RP9: variants seen among roughly 807,000 people sequenced by gnomAD.
RP9 encodes the protein retinitis pigmentosa 9 protein.
RP9 carries 23 observed loss-of-function variants against 32.6 expected under a neutral mutation model. The observed-to-expected ratio is 0.71, with a 90% CI of 0.51 to 1.00. The LOEUF is 1.00. Among genes scored for constraint, RP9 ranks in the 50% least tolerant of loss-of-function variants. RP9 has a pLI of 0.00. For missense variants in RP9, 245 were observed against 285.3 expected (o/e 0.86, Z 1.02); for synonymous variants, 94 against 103.6 (o/e 0.91, Z 0.56).
chr7:33,096,385 G>A (rs1788334722), intron 5 of RP9, 108 bp downstream of exon 5: 1 of 808,812 alleles, frequency 1.2e-6, no homozygotes, highest in African/African-American at 1.7e-5. Context: ...TTTCACAATT[G>A]AAGTACCATG....
Position 33,094,895 on chromosome 7 carries a change from C to T in RP9, c.*339G>A, listed in dbSNP as rs1203455144. On this transcript the variant is annotated 3_prime_UTR_variant, in exon 6 of 6. Transcript: ENST00000297157. ...GAGTCCACACTGTGGAGGGCACAAGCTGTGGGAGGGCCTGGAAGACACGCC... is the reference window on the plus strand; with the variant it reads ...GAGTCCACACTGTGGAGGGCACAAGTTGTGGGAGGGCCTGGAAGACACGCC... 6 of 381,712 alleles carry T rather than the reference C, an allele frequency of 1.6e-5. No homozygotes were observed. The highest frequency in any genetic ancestry group is 3.1e-5 in the South Asian group (1 of 31,950). The allele number at this position is 381,712 out of a possible 1,614,324, so 23.6% of individuals were successfully genotyped here.
At chr7:33,102,920 G>C (rs1788449140) in intron 1 of RP9, among the ~76,000 whole-genome samples, 1 of 152,234 alleles carries the variant, frequency 6.6e-6, no homozygotes, top group Admixed American at 6.5e-5. Flanking sequence ...AGGGAAAACT[G>C]TGGTGGAGAC....
At position 33,095,008 on chromosome 7, in the gene RP9, A is replaced by C; in HGVS notation, c.*226T>G. 1 of 564,264 alleles carries C rather than the reference A, an allele frequency of 1.8e-6. No homozygotes were observed. The highest frequency in any genetic ancestry group is 3.2e-6 in the Non-Finnish European group (1 of 311,684). 35.0% of individuals were successfully genotyped at this position (564,264 alleles called of 1,614,324 possible). On this transcript the variant is annotated 3_prime_UTR_variant, in exon 6 of 6. Transcript: ENST00000297157. ...TGACCAGCAGGGAGGACAACGATGAAGAAACTTTCCTGCCTAAAATCAGCT... is the reference window on the plus strand; with the variant it reads ...TGACCAGCAGGGAGGACAACGATGACGAAACTTTCCTGCCTAAAATCAGCT...
chr7:33,102,401 T>A (rs1788438156), intron 1 of RP9, among the ~76,000 whole-genome samples: 1 of 152,150 alleles, frequency 6.6e-6, no homozygotes. Flanking sequence ...AGCCTTGAAC[T>A]CCTGGGTTCA....
Position 33,099,102 on chromosome 7 carries a change from TC to T in RP9, c.313+204del, listed in dbSNP as rs1250904393. ...GGTGGGTTTGTGGTGAGAGCTTTCT[TC>T]CTGGCTTAAGATGACAGCCCTCTTT... On this transcript the variant is annotated intron_variant, in intron 3 of 5. Coordinates refer to ENST00000297157, the MANE Select transcript of RP9 (RefSeq NM_203288.2). 6.3e-6 allele frequency: 4 copies of T among 637,062 alleles called. No individual in the cohort carries two copies. The African/African-American group carries it at 7.4e-5, about 12-fold the overall frequency. The allele number at this position is 637,062 out of a possible 1,614,324, so 39.5% of individuals were successfully genotyped here.
intron 4 of RP9, among the ~76,000 whole-genome samples, chr7:33,096,797 G>C (rs1328415696): frequency 1.3e-5 from 2 of 150,692 alleles, no homozygotes; most frequent in African/African-American, 2.5e-5. Flanking sequence ...GCCCTGCTCT[G>C]CAGGAGCAAT....
intron 1 of RP9, among the ~76,000 whole-genome samples, chr7:33,104,712 C>G (rs1788474323): frequency 6.6e-6 from 1 of 152,116 alleles, no homozygotes; most frequent in South Asian, 2.1e-4. Context: ...TCTGGAGTAG[C>G]TGGGACTACA....
At chr7:33,096,579 T>A in intron 4 of RP9, 25 bp from the exon 5 acceptor site, 11 of 1,532,338 alleles carry the variant, frequency 7.2e-6, no homozygotes, top group Non-Finnish European at 1.0e-5. Flanking sequence ...AAGGTTAAGG[T>A]TTGGTTAGGC....
At chr7:33,102,875 G>A (rs555009471) in intron 1 of RP9, among the ~76,000 whole-genome samples, 5 of 152,294 alleles carry the variant, frequency 3.3e-5, no homozygotes, top group East Asian at 1.9e-4. Context: ...TGGAAGCCTC[G>A]GATGCCCTCA....
chr7:33,102,861 C>G (rs1788447873), intron 1 of RP9, among the ~76,000 whole-genome samples: 1 of 152,178 alleles, frequency 6.6e-6, no homozygotes, highest in African/African-American at 2.4e-5. Context: ...AGTGTTGGAG[C>G]AGGTGGAAGC....
intron 5 of RP9, among the ~76,000 whole-genome samples, chr7:33,096,283 C>T (rs1788333120): frequency 1.3e-5 from 2 of 152,190 alleles, no homozygotes; most frequent in Non-Finnish European, 2.9e-5. Context: ...TGGACCAAGC[C>T]CATGGCTTTA....
intron 1 of RP9, among the ~76,000 whole-genome samples, chr7:33,103,793 C>T (rs1788461815): frequency 6.6e-6 from 1 of 152,084 alleles, no homozygotes; most frequent in African/African-American, 2.4e-5. Context: ...GTGCTCCAGC[C>T]TGGGTGACAG....
At chr7:33,100,230 G>C (rs1032462312) in intron 2 of RP9, 1 of 455,628 alleles carries the variant, frequency 2.2e-6, no homozygotes, top group Non-Finnish European at 4.0e-6. Flanking sequence ...AGCCGGGTGA[G>C]GCCGACAAGG....
chr7:33,098,166 G>T (rs183830016), intron 3 of RP9, among the ~76,000 whole-genome samples: 1 of 151,540 alleles, frequency 6.6e-6, no homozygotes, highest in East Asian at 2.0e-4. Flanking sequence ...CGGGTAGATC[G>T]CTTGAGGCCA....
At chr7:33,101,603 A>T (rs1350450080) in intron 1 of RP9, among the ~76,000 whole-genome samples, 1 of 33,258 alleles carries the variant, frequency 3.0e-5, no homozygotes, top group African/African-American at 1.9e-4. Flanking sequence ...CTCTGTCTTA[A>T]AAAAAAAAAA....
At chr7:33,107,336 T>G (rs1788513183) in intron 1 of RP9, among the ~76,000 whole-genome samples, 1 of 152,240 alleles carries the variant, frequency 6.6e-6, no homozygotes, top group Non-Finnish European at 1.5e-5. Flanking sequence ...TCCTCCATTT[T>G]TTCATCTGTA....
chr7:33,098,601 C>A (rs769081997), intron 3 of RP9, among the ~76,000 whole-genome samples: 9 of 152,148 alleles, frequency 5.9e-5, no homozygotes, highest in Non-Finnish European at 1.3e-4. Context: ...ACGTGGGAGC[C>A]TTCTCTGGGA....
chr7:33,105,197 C>CTAAT (rs139045959), intron 1 of RP9, among the ~76,000 whole-genome samples: 3,747 of 152,208 alleles, frequency 0.025, 125 homozygotes, highest in East Asian at 0.16. Flanking sequence ...AATGAACTGA[C>CTAAT]TACCTGATAT....
chr7:33,095,029 C>T lies in RP9; in HGVS notation c.*205G>A, dbSNP rs1788308029. ...ATGAAGAAACTTTCCTGCCTAAAATCAGCTGCTGTCCAGAGCTAGCACCTG... is the reference window on the plus strand; with the variant it reads ...ATGAAGAAACTTTCCTGCCTAAAATTAGCTGCTGTCCAGAGCTAGCACCTG... On this transcript the variant is annotated 3_prime_UTR_variant, in exon 6 of 6. Coordinates refer to ENST00000297157, the MANE Select transcript of RP9 (RefSeq NM_203288.2). 5.1e-6 allele frequency: 3 copies of T among 593,456 alleles called. No homozygotes were observed. Among genetic ancestry groups the T allele is most frequent in the South Asian group, 2.1e-5 (1 of 48,186 alleles). The allele number at this position is 593,456 out of a possible 1,614,324, so 36.8% of individuals were successfully genotyped here. A position where few individuals can be genotyped will look rare whatever the true frequency, so the allele number is the denominator to read the frequency against.
Sources: gnomAD v4.1 joint callset for allele counts (sites outside exome capture counted in the v4.1 genomes callset) on GRCh38, gnomAD v4.1.1 for gene constraint, MANE v1.5 for transcripts, NCBI Gene and HGNC (gene_info 2026-07-23, HGNC 2026-07-21) for gene names.